LRP1B: variants seen among roughly 807,000 people sequenced by gnomAD.
The protein encoded by LRP1B is LDL receptor related protein 1B, also known as low-density lipoprotein receptor-related protein 1B.
A neutral mutation model predicts 556.6 loss-of-function variants in LRP1B; 217 were observed. That is an observed-to-expected ratio of 0.39 (90% CI 0.35 to 0.44). LRP1B has a LOEUF of 0.44. Among genes scored for constraint, LRP1B ranks in the 20% least tolerant of loss-of-function variants. The pLI is 1.00. For synonymous variants in LRP1B, 2,047 were observed against 1,865.8 expected (o/e 1.10, Z -2.50); for missense variants, 5,053 against 5,620.8 (o/e 0.90, Z 3.23).
chr2:141,239,339 G>T (rs572389424), intron 5 of LRP1B, among the ~76,000 whole-genome samples: 1 of 152,042 alleles, frequency 6.6e-6, no homozygotes, highest in African/African-American at 2.4e-5. Context: ...CATTGAAGGC[G>T]ATTAAAGAGC....
chr2:141,381,389 G>C (rs1689637887), intron 3 of LRP1B, among the ~76,000 whole-genome samples: 2 of 151,154 alleles, frequency 1.3e-5, no homozygotes, highest in Non-Finnish European at 2.9e-5. Flanking sequence ...GAATGAAAAA[G>C]AGTGAAGATA....
chr2:141,098,503 A>G (rs2104932064), intron 7 of LRP1B, among the ~76,000 whole-genome samples: 1 of 152,290 alleles, frequency 6.6e-6, no homozygotes. Context: ...CTGTTTCCCT[A>G]TAACTGACCC....
At chr2:140,473,716 T>C (rs573590954) in intron 60 of LRP1B, among the ~76,000 whole-genome samples, 51 of 152,062 alleles carry the variant, frequency 3.4e-4, no homozygotes, top group African/African-American at 1.2e-3. Context: ...ATATAAATTT[T>C]GTTGTACAAT....
chr2:140,487,146 C>T (rs1225205192), intron 58 of LRP1B, among the ~76,000 whole-genome samples: 1 of 151,842 alleles, frequency 6.6e-6, no homozygotes, highest in East Asian at 1.9e-4. Flanking sequence ...TGATCCTCTC[C>T]AATCAGGACG....
At chr2:140,666,703 G>A (rs531504867) in intron 41 of LRP1B, among the ~76,000 whole-genome samples, 86 of 152,136 alleles carry the variant, frequency 5.7e-4, no homozygotes, top group Non-Finnish European at 1.1e-3. Flanking sequence ...TCAAAATCTT[G>A]GCTTTAAAAT....
chr2:140,986,058 T>C (rs1451450756), intron 17 of LRP1B, among the ~76,000 whole-genome samples: 1 of 151,722 alleles, frequency 6.6e-6, no homozygotes, highest in Non-Finnish European at 1.5e-5. Flanking sequence ...TATAAAATTA[T>C]TTTATATTTT....
chr2:142,064,000 A>G (rs920090135), intron 1 of LRP1B, among the ~76,000 whole-genome samples: 1 of 151,572 alleles, frequency 6.6e-6, no homozygotes, highest in Non-Finnish European at 1.5e-5. Context: ...AGGCTTTTCC[A>G]TTTTTATTGA....
At chr2:140,315,156 A>G in intron 82 of LRP1B, 57 bp from the exon 83 acceptor site, 1 of 1,164,722 alleles carries the variant, frequency 8.6e-7, no homozygotes, top group Non-Finnish European at 1.2e-6. Flanking sequence ...ATTTAATAAA[A>G]TAATTCAAAT....
At chr2:141,275,909 C>CAT (rs35525716) in intron 3 of LRP1B, among the ~76,000 whole-genome samples, 35,344 of 149,922 alleles carry the variant, frequency 0.24, 5,271 homozygotes, top group Middle Eastern at 0.4. Context: ...ATGTAATGTA[C>CAT]ATATATATAT....
At chr2:141,480,196 G>GTTT (rs1682868247) in intron 3 of LRP1B, among the ~76,000 whole-genome samples, 200 bp downstream of exon 3, 1 of 136,410 alleles carries the variant, frequency 7.3e-6, no homozygotes, top group African/African-American at 2.8e-5. Context: ...TGTGTGTGTT[G>GTTT]TCTAATGGTG....
intron 43 of LRP1B, among the ~76,000 whole-genome samples, chr2:140,564,941 T>C (rs529770237): frequency 1.2e-4 from 19 of 152,208 alleles, no homozygotes; most frequent in Admixed American, 1.2e-3. Context: ...TCTACTTGTA[T>C]ATTTTTTAAA....
intron 2 of LRP1B, among the ~76,000 whole-genome samples, chr2:141,702,357 T>G (rs996582290): frequency 6.6e-6 from 1 of 151,846 alleles, no homozygotes; most frequent in Non-Finnish European, 1.5e-5. Flanking sequence ...GGAGGCAGCT[T>G]CCCCTCAGCT....
chr2:140,699,682 C>T (rs1284675661), intron 41 of LRP1B, among the ~76,000 whole-genome samples: 1 of 150,970 alleles, frequency 6.6e-6, no homozygotes, highest in Non-Finnish European at 1.5e-5. Flanking sequence ...GGATAATCCT[C>T]ACTGAACACT....
intron 3 of LRP1B, among the ~76,000 whole-genome samples, chr2:141,296,701 C>T (rs11890984): frequency 0.018 from 2,685 of 152,202 alleles, 74 homozygotes; most frequent in African/African-American, 0.06. Context: ...GCTGTTGACA[C>T]CCTTTTAGAA....
At chr2:140,453,622 C>T (rs1006625798) in intron 62 of LRP1B, among the ~76,000 whole-genome samples, 7 of 151,904 alleles carry the variant, frequency 4.6e-5, no homozygotes, top group African/African-American at 1.7e-4. Flanking sequence ...AGAAAAGTCT[C>T]CATTTTAAAG....
intron 2 of LRP1B, among the ~76,000 whole-genome samples, chr2:141,601,483 A>G (rs1341258605): frequency 6.6e-6 from 1 of 152,224 alleles, no homozygotes; most frequent in African/African-American, 2.4e-5. Flanking sequence ...CTTTTAGACC[A>G]CAAACAATAC....
chr2:141,464,417 G>C (rs1484385931), intron 3 of LRP1B, among the ~76,000 whole-genome samples: 1 of 135,956 alleles, frequency 7.4e-6, no homozygotes, highest in Non-Finnish European at 1.6e-5. Flanking sequence ...TTTTTGCTGT[G>C]ACTTTTTTTT....
intron 43 of LRP1B, among the ~76,000 whole-genome samples, chr2:140,573,212 TGTA>T (rs1681396201): frequency 6.6e-6 from 1 of 151,900 alleles, no homozygotes; most frequent in Non-Finnish European, 1.5e-5. Context: ...CATTACATAC[TGTA>T]TACATGTATC....
intron 7 of LRP1B, among the ~76,000 whole-genome samples, chr2:141,164,058 A>G (rs1368020768): frequency 1.3e-5 from 2 of 152,070 alleles, no homozygotes; most frequent in Admixed American, 1.3e-4. Flanking sequence ...ATTGAATTCA[A>G]TTCTGGTTGT....
Sources: allele counts gnomAD v4.1 joint callset (sites outside exome capture counted in the v4.1 genomes callset), GRCh38; gene constraint gnomAD v4.1.1; transcripts MANE v1.5; gene names NCBI Gene and HGNC (gene_info 2026-07-23, HGNC 2026-07-21).